Variants in FMN2 observed in about 807,000 individuals in gnomAD.
FMN2 encodes formin 2.
In FMN2, 51 loss-of-function variants were observed where a neutral mutation model predicts 142.3. The ratio of observed to expected loss-of-function variants is 0.36; its 90% CI spans 0.29 to 0.45. The LOEUF is 0.45. Among genes scored for constraint, FMN2 ranks in the 20% least tolerant of loss-of-function variants. The pLI, the probability that FMN2 is intolerant of heterozygous loss-of-function variation, is 1.00. For synonymous variants in FMN2, 882 were observed against 869.8 expected (o/e 1.01, Z -0.25); for missense variants, 1,936 against 2,122.8 (o/e 0.91, Z 1.73).
rs554640582 is a variant in FMN2, at chr1:240,327,337, G to T, written c.4216-1739G>T. On this transcript the variant is annotated intron_variant, in intron 8 of 17. Coordinates refer to ENST00000319653, the MANE Select transcript of FMN2 (RefSeq NM_020066.5). ...GAAACTTCTTTTGAGACACGTCTTT[G>T]TTAGTTAATCCTATCAACTGAAAAC... Among the ~76,000 whole-genome samples, 5 of 152,238 alleles carry T rather than the reference G, an allele frequency of 3.3e-5. No individual in the cohort carries two copies. The South Asian group carries it at 8.3e-4, about 25-fold the overall frequency.
At position 240,239,835 on chromosome 1, in the gene FMN2, CATTT is replaced by C. The variant is rs377593375; in HGVS notation, c.4066-18109_4066-18106del. On this transcript the variant is annotated intron_variant, in intron 6 of 17. Transcript: ENST00000319653. ...GTCAATAAACATATGCTCAGTGATT[CATTT>C]GTTTTCTGAATATTTAACATTTTCT... is the stretch of plus-strand genomic sequence containing the variant. Among the ~76,000 whole-genome samples, 217 of 152,252 alleles carry C rather than the reference CATTT, an allele frequency of 1.4e-3. 1 individual carries two copies. The highest frequency in any genetic ancestry group is 5.1e-3 in the African/African-American group (211 of 41,558).
At chr1:240,151,823 A>C (rs1663789337) in intron 2 of FMN2, among the ~76,000 whole-genome samples, 1 of 151,950 alleles carries the variant, frequency 6.6e-6, no homozygotes, top group Non-Finnish European at 1.5e-5. Context: ...CTGGAGTGCA[A>C]TGCTGCGATC....
intron 16 of FMN2, among the ~76,000 whole-genome samples, chr1:240,461,709 T>A (rs1243048599): frequency 6.6e-6 from 1 of 151,944 alleles, no homozygotes; most frequent in Non-Finnish European, 1.5e-5. Context: ...ACTGTGGAGT[T>A]AACCACATCT....
chr1:240,332,283 C>T (rs1000529097), intron 11 of FMN2, among the ~76,000 whole-genome samples: 23 of 150,888 alleles, frequency 1.5e-4, no homozygotes, highest in African/African-American at 5.1e-4. Context: ...ATGCTGAAGC[C>T]GAGTGCAATA....
rs59902639 is a variant in FMN2, at chr1:240,252,953, CTTTTT to C, written c.4066-4979_4066-4975del. 4.6e-4 allele frequency among the ~76,000 whole-genome samples: 30 copies of C among 65,348 alleles called. 2 individuals are homozygous for C. The highest frequency in any genetic ancestry group is 2.0e-3 in the African/African-American group (29 of 14,756). The allele number at this position is 65,348 out of a possible 152,430, so 42.9% of individuals were successfully genotyped here. On this transcript the variant is annotated intron_variant, in intron 6 of 17. Transcript: ENST00000319653. ...CCCATGTGTGATGTAGTCTTGTTCA[CTTTTT>C]TTTTTTTTTTTTGGAGACAGAGTCT...
At chr1:240,413,202 C>G (rs1324931940) in intron 15 of FMN2, among the ~76,000 whole-genome samples, 2 of 150,002 alleles carry the variant, frequency 1.3e-5, no homozygotes, top group Admixed American at 1.3e-4. Context: ...TGTCCTTGAC[C>G]CCAACCAAAT....
chr1:240,232,445 A>G (rs1171573256), intron 6 of FMN2, among the ~76,000 whole-genome samples: 1 of 152,140 alleles, frequency 6.6e-6, no homozygotes, highest in Non-Finnish European at 1.5e-5. Context: ...CTACTTAAAA[A>G]TATCTTTTTC....
intron 6 of FMN2, among the ~76,000 whole-genome samples, chr1:240,225,928 T>G (rs1667281688): frequency 6.6e-6 from 1 of 152,086 alleles, no homozygotes. Context: ...CTAGATGATT[T>G]AACGATCGAT....
At chr1:240,337,363 C>A (rs1671601700) in intron 13 of FMN2, among the ~76,000 whole-genome samples, 1 of 151,916 alleles carries the variant, frequency 6.6e-6, no homozygotes, top group Non-Finnish European at 1.5e-5. Context: ...ATTACAGGCA[C>A]ATGCCACCAC....
chr1:240,349,874 T>C (rs1457080730), intron 13 of FMN2, among the ~76,000 whole-genome samples: 1 of 152,224 alleles, frequency 6.6e-6, no homozygotes, highest in South Asian at 2.1e-4. Flanking sequence ...AATGCAAGTT[T>C]TCCAGGAACT....
chr1:240,450,402 G>A (rs1675969498), intron 16 of FMN2, among the ~76,000 whole-genome samples: 1 of 152,078 alleles, frequency 6.6e-6, no homozygotes, highest in South Asian at 2.1e-4. Context: ...TGTTTCCTAA[G>A]ATCTGTAATA....
intron 6 of FMN2, among the ~76,000 whole-genome samples, chr1:240,257,713 G>A (rs1235741153): frequency 1.3e-5 from 2 of 152,074 alleles, no homozygotes; most frequent in African/African-American, 2.4e-5. Flanking sequence ...TAAAAAACAT[G>A]TCTTTGAGGC....
intron 16 of FMN2, among the ~76,000 whole-genome samples, chr1:240,452,664 A>G (rs567751928): frequency 1.3e-5 from 2 of 152,318 alleles, no homozygotes; most frequent in East Asian, 3.9e-4. Flanking sequence ...AATGAGGCAT[A>G]AAAAGGAAAA....
At chr1:240,181,619 C>T (rs973545984) in intron 3 of FMN2, among the ~76,000 whole-genome samples, 6 of 152,162 alleles carry the variant, frequency 3.9e-5, no homozygotes, top group African/African-American at 1.4e-4. Context: ...TTGGCATTGT[C>T]TCCACAGATG....
intron 7 of FMN2, among the ~76,000 whole-genome samples, chr1:240,290,939 G>A (rs955004419): frequency 6.6e-6 from 1 of 151,630 alleles, no homozygotes; most frequent in African/African-American, 2.4e-5. Context: ...TTAGCCTCCC[G>A]AGTAGCTGGG....
chr1:240,411,022 T>C (rs570246501), intron 15 of FMN2, among the ~76,000 whole-genome samples: 2 of 152,022 alleles, frequency 1.3e-5, no homozygotes, highest in East Asian at 3.9e-4. Context: ...TAATTTATGA[T>C]AATGGTTGAT....
At chr1:240,308,654 G>A (rs191119136) in intron 8 of FMN2, among the ~76,000 whole-genome samples, 5 of 151,476 alleles carry the variant, frequency 3.3e-5, no homozygotes, top group African/African-American at 1.2e-4. Context: ...TGGAGTGTCA[G>A]AGACCTTTCA....
At chr1:240,176,203 C>T (rs1245155798) in intron 2 of FMN2, among the ~76,000 whole-genome samples, 1 of 152,110 alleles carries the variant, frequency 6.6e-6, no homozygotes, top group Non-Finnish European at 1.5e-5. Context: ...ATGTTTCAGT[C>T]TTTGTTCCAT....
intron 11 of FMN2, among the ~76,000 whole-genome samples, chr1:240,331,922 G>T (rs1479380624): frequency 1.3e-5 from 2 of 152,138 alleles, no homozygotes; most frequent in African/African-American, 2.4e-5. Flanking sequence ...AAACAGAATG[G>T]TTGTATGGGT....
Sources: allele counts gnomAD v4.1 joint callset (sites outside exome capture counted in the v4.1 genomes callset), GRCh38; gene constraint gnomAD v4.1.1; transcripts MANE v1.5; gene names NCBI Gene and HGNC (gene_info 2026-07-23, HGNC 2026-07-21).